The following AGO3 variants were observed in gnomAD, a reference collection of about 807,000 sequenced individuals.
AGO3 encodes argonaute RISC catalytic component 3.
Under a neutral mutation model 105.5 loss-of-function variants are expected in AGO3, and 16 were observed. The observed-to-expected ratio is 0.15, with a 90% CI of 0.10 to 0.23. AGO3 has a LOEUF of 0.23. AGO3 is among the 10% of genes least tolerant of loss of function. The pLI, the probability that AGO3 is intolerant of heterozygous loss-of-function variation, is 1.00. For missense variants in AGO3, 534 were observed against 1,088.0 expected, an observed-to-expected ratio of 0.49 and a Z score of 7.16; for synonymous variants, 340 against 367.3, an observed-to-expected ratio of 0.93 and a Z score of 0.85.
intron 5 of AGO3, among the ~76,000 whole-genome samples, chr1:35,976,264 C>T (rs1022377133): frequency 1.1e-4 from 17 of 152,160 alleles, no homozygotes; most frequent in African/African-American, 3.9e-4. Context: ...ATATTTTCTC[C>T]TTTTTGTTGC....
Position 36,009,083 on chromosome 1 carries a change from A to G in AGO3, c.1029+39A>G, listed in dbSNP as rs377380089. On this transcript the variant is annotated intron_variant, in intron 8 of 18. Coordinates refer to ENST00000373191, the MANE Select transcript of AGO3 (RefSeq NM_024852.4). Reference sequence around the variant, plus strand: ...ACTGCTAATTAATACCCTGTTGTTCATGATTCTTTTGGGGTCTTTTATGGC... The same window carrying G: ...ACTGCTAATTAATACCCTGTTGTTCGTGATTCTTTTGGGGTCTTTTATGGC... The G allele has an allele frequency of 1.3e-5, 20 of 1,485,698 alleles. No homozygotes were observed. The African/African-American group carries it at 2.8e-4, about 20-fold the overall frequency. The allele number at this position is 1,485,698 out of a possible 1,614,324, so 92.0% of individuals were successfully genotyped here. A position where few individuals can be genotyped will look rare whatever the true frequency, so the allele number is the denominator to read the frequency against.
chr1:35,949,577 T>C (rs1302955960), intron 2 of AGO3, among the ~76,000 whole-genome samples: 3 of 152,240 alleles, frequency 2.0e-5, no homozygotes, highest in African/African-American at 7.2e-5. Flanking sequence ...GGTTCAGTTA[T>C]GTCTAATTTA....
intron 13 of AGO3, among the ~76,000 whole-genome samples, chr1:36,035,337 G>T (rs1294559276): frequency 6.6e-6 from 1 of 152,102 alleles, no homozygotes; most frequent in Non-Finnish European, 1.5e-5. Context: ...GGAAGTCAAG[G>T]CTGCAGTGAA....
chr1:36,060,965 G>A lies in AGO3; in HGVS notation c.*5220G>A, dbSNP rs1390714575. The A allele has an allele frequency of 7.2e-5, 11 of 152,046 alleles. No homozygotes were observed. The allele number at this position is 152,046 out of a possible 1,614,324, so 9.4% of individuals were successfully genotyped here. A position where few individuals can be genotyped will look rare whatever the true frequency, so the allele number is the denominator to read the frequency against. On this transcript the variant is annotated 3_prime_UTR_variant, in exon 19 of 19. Transcript: ENST00000373191. Reference sequence around the variant, plus strand: ...TTTTCCTATTTCAGTCCTCATATTTGATCATAGAAAAGCACTTTTGTGATT... The same window carrying A: ...TTTTCCTATTTCAGTCCTCATATTTAATCATAGAAAAGCACTTTTGTGATT...
intron 5 of AGO3, among the ~76,000 whole-genome samples, chr1:35,974,783 A>T (rs1366980009): frequency 6.6e-6 from 1 of 152,144 alleles, no homozygotes; most frequent in East Asian, 1.9e-4. Flanking sequence ...ATTAGGTGGA[A>T]TTTTTCTGTG....
intron 2 of AGO3, among the ~76,000 whole-genome samples, chr1:35,959,953 C>A (rs574014669): frequency 6.6e-6 from 1 of 151,730 alleles, no homozygotes; most frequent in South Asian, 2.1e-4. Context: ...CCATTTGGTT[C>A]CTGAGACTGT....
chr1:36,030,658 T>G (rs1409188086), intron 12 of AGO3, among the ~76,000 whole-genome samples: 1 of 152,202 alleles, frequency 6.6e-6, no homozygotes, highest in Non-Finnish European at 1.5e-5. Context: ...TAAATTGATA[T>G]TACCTTTTTC....
chr1:36,039,241 A>G (rs2148848444), intron 14 of AGO3, among the ~76,000 whole-genome samples: 1 of 152,204 alleles, frequency 6.6e-6, no homozygotes, highest in African/African-American at 2.4e-5. Flanking sequence ...CATGCCTGTA[A>G]TCCCAGCACT....
chr1:36,028,834 A>G (rs1239616736), intron 12 of AGO3, among the ~76,000 whole-genome samples: 1 of 151,956 alleles, frequency 6.6e-6, no homozygotes, highest in South Asian at 2.1e-4. Flanking sequence ...GACTTCCACA[A>G]TGGTTGAACT....
At chr1:36,010,615 A>AG (rs1640559547) in intron 9 of AGO3, among the ~76,000 whole-genome samples, 1 of 151,080 alleles carries the variant, frequency 6.6e-6, no homozygotes, top group Non-Finnish European at 1.5e-5. Context: ...AAAAAAAAAA[A>AG]AGAAAAAGAA....
At position 35,966,977 on chromosome 1, in the gene AGO3, C is replaced by A; in HGVS notation, c.214C>A (p.Gln72Lys). The change falls in exon 3 of 19, where the codon CAG becomes AAG. Residue 72 changes from glutamine (Q) to lysine (K), a missense_variant. This residue lies in a region of AGO3 where 161 missense variants were observed against 234.0 expected (regional missense o/e 0.69). Transcript: ENST00000373191. ...VNREVVDSMVQHFKVTIFGDR... is the reference protein window; with the variant it reads ...VNREVVDSMVKHFKVTIFGDR... ...TAGGGAGGTGGTTGACTCAATGGTT[C>A]AGCATTTTAAAGTAACTATATTTGG... is the stretch of plus-strand genomic sequence containing the variant. 1 of 1,612,256 alleles carries A rather than the reference C, an allele frequency of 6.2e-7. No individual in the cohort carries two copies. Among genetic ancestry groups the A allele is most frequent in the South Asian group, 1.1e-5 (1 of 90,714 alleles).
Position 35,931,113 on chromosome 1 carries a change from G to T in AGO3, c.-314G>T, listed in dbSNP as rs1308634191. Reference sequence around the variant, plus strand: ...CCGGGGCGGCCCCGGGCAGGTCGGCGGCGGCGGCCCGCAGTCGTGGAGGAG... The same window carrying T: ...CCGGGGCGGCCCCGGGCAGGTCGGCTGCGGCGGCCCGCAGTCGTGGAGGAG... On this transcript the variant is annotated 5_prime_UTR_variant, in exon 1 of 19. Coordinates refer to ENST00000373191, the MANE Select transcript of AGO3 (RefSeq NM_024852.4). 1 of 395,158 alleles carries T rather than the reference G, an allele frequency of 2.5e-6. No individual in the cohort carries two copies. Among genetic ancestry groups the T allele is most frequent in the African/African-American group, 2.1e-5 (1 of 48,386 alleles). The allele number at this position is 395,158 out of a possible 1,614,324, so 24.5% of individuals were successfully genotyped here. A position where few individuals can be genotyped will look rare whatever the true frequency, so the allele number is the denominator to read the frequency against.
chr1:35,942,498 C>T (rs563336322), intron 1 of AGO3, among the ~76,000 whole-genome samples: 1 of 152,042 alleles, frequency 6.6e-6, no homozygotes, highest in African/African-American at 2.4e-5. Flanking sequence ...GTATAATTCT[C>T]TAGTGAAGCC....
intron 9 of AGO3, among the ~76,000 whole-genome samples, chr1:36,011,142 G>A (rs1174887649): frequency 2.0e-5 from 3 of 152,066 alleles, no homozygotes; most frequent in Admixed American, 1.3e-4. Flanking sequence ...CTCTGTTCTC[G>A]AATACCATTT....
chr1:35,972,617 C>T (rs571690832), intron 4 of AGO3, among the ~76,000 whole-genome samples: 1 of 152,108 alleles, frequency 6.6e-6, no homozygotes, highest in African/African-American at 2.4e-5. Flanking sequence ...AACCCTAGGA[C>T]CTCACATGTG....
Position 36,071,716 on chromosome 1 carries a change from T to A in AGO3, c.*15971T>A, listed in dbSNP as rs1643169158. On this transcript the variant is annotated 3_prime_UTR_variant, in exon 19 of 19. Coordinates refer to ENST00000373191, the MANE Select transcript of AGO3 (RefSeq NM_024852.4). ...AAGTGTATATCTATAAATCTTTTTT[T>A]AAAATCTTCGGCTACACAGTAACAT... 1 of 152,224 alleles carries A rather than the reference T, an allele frequency of 6.6e-6. No individual in the cohort carries two copies. Among genetic ancestry groups the A allele is most frequent in the East Asian group, 1.9e-4 (1 of 5,206 alleles). The allele number at this position is 152,224 out of a possible 1,614,324, so 9.4% of individuals were successfully genotyped here.
chr1:35,936,344 G>C (rs1048902675), intron 1 of AGO3, among the ~76,000 whole-genome samples: 4 of 152,090 alleles, frequency 2.6e-5, no homozygotes, highest in African/African-American at 9.7e-5. Context: ...GGCATTTTGT[G>C]GTTTGGTTAT....
At chr1:35,973,263 T>C in intron 4 of AGO3, 112 bp from the exon 5 acceptor site, 1 of 1,123,728 alleles carries the variant, frequency 8.9e-7, no homozygotes, top group Admixed American at 3.2e-5. Flanking sequence ...GTTTCATATA[T>C]TCATAATGAT....
rs143283288 is a variant in AGO3 at position 36,039,906 on chromosome 1, A to G, written c.1959A>G (p.Gln653=). ...LASMVRELLI[Q]FYKSTRFKPT... Reference sequence around the variant, plus strand: ...CCATGGTCCGGGAACTTCTTATTCAATTTTATAAGTCAACTCGGTTCAAGC... The same window carrying G: ...CCATGGTCCGGGAACTTCTTATTCAGTTTTATAAGTCAACTCGGTTCAAGC... Residue 653 remains glutamine (Q), a synonymous_variant, in exon 15 of 19, where the codon CAA becomes CAG. Coordinates refer to ENST00000373191, the MANE Select transcript of AGO3 (RefSeq NM_024852.4). The G allele has an allele frequency of 2.9e-3, 4,756 of 1,614,036 alleles. 10 individuals carry two copies. Among genetic ancestry groups the G allele is most frequent in the Non-Finnish European group, 3.7e-3 (4,383 of 1,179,996 alleles).
Sources: gnomAD v4.1 joint callset for allele counts (sites outside exome capture counted in the v4.1 genomes callset) on GRCh38, gnomAD v4.1.1 for gene constraint, gnomAD v4.1.1 regional missense constraint, MANE v1.5 for transcripts, NCBI Gene and HGNC (gene_info 2026-07-23, HGNC 2026-07-21) for gene names.